Variants in TTC19 observed in about 807,000 individuals in gnomAD.
The protein encoded by TTC19 is tetratricopeptide repeat domain 19.
In TTC19, 38 loss-of-function variants were observed where a neutral mutation model predicts 49.5. The ratio of observed to expected loss-of-function variants is 0.77; its 90% CI spans 0.59 to 1.01. The LOEUF is 1.01. Among genes scored for constraint, TTC19 ranks in the 50% least tolerant of loss-of-function variants. The pLI is 0.00. For missense variants in TTC19, 475 were observed against 477.7 expected (o/e 0.99, Z 0.05); for synonymous variants, 204 against 185.2 (o/e 1.10, Z -0.83).
At chr17:16,039,392 T>TG (rs746139931) in intron 2 of TTC19, 1 of 1,587,074 alleles carries the variant, frequency 6.3e-7, no homozygotes, top group East Asian at 2.3e-5. Context: ...CTGGCTTTTT[T>TG]GGGGAAAAGC....
chr17:16,005,116 T>C (rs115517403), intron 6 of TTC19, among the ~76,000 whole-genome samples: 214 of 152,324 alleles, frequency 1.4e-3, no homozygotes, highest in African/African-American at 5.0e-3. Flanking sequence ...GACAAATTCA[T>C]AGTCTTCTAG....
chr17:16,015,852 CTTAT>C (rs1289049741), intron 7 of TTC19, among the ~76,000 whole-genome samples: 2 of 152,094 alleles, frequency 1.3e-5, no homozygotes, highest in African/African-American at 4.8e-5. Context: ...ATTTACTAAT[CTTAT>C]TTATTATATG....
At chr17:16,021,365 G>T (rs1159366685) in intron 7 of TTC19, among the ~76,000 whole-genome samples, 1 of 152,242 alleles carries the variant, frequency 6.6e-6, no homozygotes, top group East Asian at 1.9e-4. Flanking sequence ...TGCAGCCTGG[G>T]CGACAGAGTG....
chr17:15,999,955 CG>C lies in TTC19; in HGVS notation c.111del (p.Glu39ArgfsTer62), dbSNP rs1481670851. 7.6e-7 allele frequency: 1 copy of C among 1,321,486 alleles called. No individual in the cohort carries two copies. Among genetic ancestry groups the C allele is most frequent in the South Asian group, 2.1e-5 (1 of 47,710 alleles). 81.9% of individuals were successfully genotyped at this position (1,321,486 alleles called of 1,614,324 possible). A position where few individuals can be genotyped will look rare whatever the true frequency, so the allele number is the denominator to read the frequency against. ...ARLLPGLAGG[P>X]GPEVQVPPSR... ...CTGCTCCCGGGGCTGGCAGGAGGTCCGGGGCCCGAGGTGCAGGTGCCGCCAT... is the reference window on the plus strand; with the variant it reads ...CTGCTCCCGGGGCTGGCAGGAGGTCCGGGCCCGAGGTGCAGGTGCCGCCAT... On this transcript the variant is annotated frameshift_variant, in exon 1 of 10. Coordinates refer to ENST00000261647, the MANE Select transcript of TTC19 (RefSeq NM_017775.4). LOFTEE classifies it high-confidence loss of function.
downstream of TTC19, chr17:16,029,464 C>A: frequency 3.6e-6 from 1 of 274,858 alleles, no homozygotes; most frequent in Non-Finnish European, 7.2e-6. Context: ...CTCAGTGTAC[C>A]AAAATTAAAA....
rs143866104 is a variant in TTC19, at chr17:16,028,268, C to G, written c.*746C>G. On this transcript the variant is annotated 3_prime_UTR_variant, in exon 10 of 10. Coordinates refer to ENST00000261647, the MANE Select transcript of TTC19 (RefSeq NM_017775.4). ...TTCCTTTGCAGCCTTAGTCACACAA[C>G]TGAGTCATCTCAAGTACTCTTTAAG... The G allele has an allele frequency of 3.1e-4, 141 of 454,102 alleles. No homozygotes were observed. The highest frequency in any genetic ancestry group is 6.9e-4 in the Middle Eastern group (1 of 1,444). The allele number at this position is 454,102 out of a possible 1,614,324, so 28.1% of individuals were successfully genotyped here. A position where few individuals can be genotyped will look rare whatever the true frequency, so the allele number is the denominator to read the frequency against.
In TTC19 at chr17:16,000,140, C is replaced by G. The variant is rs1208030477; in HGVS notation, c.207C>G (p.Pro69=). 6.3e-7 allele frequency: 1 copy of G among 1,578,198 alleles called. No homozygotes were observed. Among genetic ancestry groups the G allele is most frequent in the African/African-American group, 1.3e-5 (1 of 74,444 alleles). ...CAGCGCTCGCCTGGTTCTCGAGGCC[C>G]GCTGCGGCAGAGGAGGAGGAGCAGC... is the stretch of plus-strand genomic sequence containing the variant. ...LLAALAWFSR[P]AAAEEEEQQG... is the part of the protein sequence containing the mutation. The change falls in exon 2 of 10, where the codon CCC becomes CCG. Residue 69 remains proline (P), a synonymous_variant. Coordinates refer to ENST00000261647, the MANE Select transcript of TTC19 (RefSeq NM_017775.4).
At chr17:16,019,841 A>C (rs1434225962) in intron 7 of TTC19, among the ~76,000 whole-genome samples, 1 of 152,096 alleles carries the variant, frequency 6.6e-6, no homozygotes, top group Non-Finnish European at 1.5e-5. Context: ...CAAATTGCTT[A>C]ACAGGCTGGG....
intron 2 of TTC19, chr17:16,041,084 A>C (rs1029846148): frequency 1.3e-5 from 2 of 152,576 alleles, no homozygotes; most frequent in South Asian, 2.1e-4. Context: ...GAAAGCCACC[A>C]CAGTGAATAC....
Position 16,027,751 on chromosome 17 carries a change from T to C in TTC19, c.*229T>C, listed in dbSNP as rs1374200253. On this transcript the variant is annotated 3_prime_UTR_variant, in exon 10 of 10. Transcript: ENST00000261647. ...GACCTTTCAGGATGTCGTCAAGTGA[T>C]GCTTTCAGTTGTAACACGTGACTTG... 7 of 596,738 alleles carry C rather than the reference T, an allele frequency of 1.2e-5. No homozygotes were observed. The highest frequency in any genetic ancestry group is 2.2e-5 in the Non-Finnish European group (7 of 318,900). The allele number at this position is 596,738 out of a possible 1,614,324, so 37.0% of individuals were successfully genotyped here.
chr17:16,040,236 TC>T, intron 2 of TTC19: 1 of 669,086 alleles, frequency 1.5e-6, no homozygotes, highest in Non-Finnish European at 2.7e-6. Flanking sequence ...TTCTTTTTGT[TC>T]ATTTATCTTT....
intron 7 of TTC19, among the ~76,000 whole-genome samples, chr17:16,010,003 G>A (rs1038569800): frequency 2.0e-5 from 3 of 151,802 alleles, no homozygotes; most frequent in African/African-American, 7.3e-5. Flanking sequence ...GTTTCTCTGA[G>A]TATTCTATAA....
chr17:16,019,201 C>T (rs986862096), intron 7 of TTC19, among the ~76,000 whole-genome samples: 1 of 152,110 alleles, frequency 6.6e-6, no homozygotes, highest in African/African-American at 2.4e-5. Flanking sequence ...AACATGGTGG[C>T]GGGCGCCTGT....
chr17:16,032,538 C>T, downstream of TTC19: 1 of 1,485,744 alleles, frequency 6.7e-7, no homozygotes, highest in South Asian at 1.4e-5. Context: ...GTATTTCATC[C>T]AATCCAACTT....
intron 5 of TTC19, 89 bp downstream of exon 5, chr17:16,003,976 G>C (rs1437001536): frequency 2.1e-6 from 3 of 1,420,746 alleles, no homozygotes; most frequent in Non-Finnish European, 3.0e-6. Flanking sequence ...CCCACCACAT[G>C]CTTTGGTCAG....
chr17:16,042,151 T>C lies in TTC19; in HGVS notation c.248-2352T>C, dbSNP rs116522911. On this transcript the variant is annotated intron_variant, in intron 2 of 2. Coordinates refer to the TTC19 transcript ENST00000470649. ...ACAAACTTGGTTGATTAGGGAGGCT[T>C]TAAACTGACAGAGGAGAAAAGTCCT... 5.8e-3 allele frequency among the ~76,000 whole-genome samples: 562 copies of C among 96,862 alleles called. 6 individuals are homozygous for C. The highest frequency in any genetic ancestry group is 0.026 in the African/African-American group (520 of 20,218). The allele number at this position is 96,862 out of a possible 152,430, so 63.5% of individuals were successfully genotyped here.
chr17:16,002,304 G>A (rs1014100796), intron 3 of TTC19, among the ~76,000 whole-genome samples: 5 of 152,002 alleles, frequency 3.3e-5, no homozygotes, highest in East Asian at 1.9e-4. Flanking sequence ...TCACCCTCCC[G>A]AGTAGCTGGA....
chr17:16,038,283 T>G (rs2056836516), intron 2 of TTC19, among the ~76,000 whole-genome samples: 1 of 152,220 alleles, frequency 6.6e-6, no homozygotes, highest in Non-Finnish European at 1.5e-5. Context: ...TTTTGTGTGC[T>G]TGTTTTTAAC....
Position 16,028,846 on chromosome 17 carries a change from A to AAAAAAAAAAAAAAAAT in TTC19, c.*1324_*1325insAAAAAAAAAAAAAAAT. 5.6e-6 allele frequency: 2 copies of AAAAAAAAAAAAAAAAT among 354,030 alleles called. No individual in the cohort carries two copies. Among genetic ancestry groups the AAAAAAAAAAAAAAAAT allele is most frequent in the Non-Finnish European group, 5.4e-6 (1 of 186,006 alleles). 21.9% of individuals were successfully genotyped at this position (354,030 alleles called of 1,614,324 possible). A position where few individuals can be genotyped will look rare whatever the true frequency, so the allele number is the denominator to read the frequency against. Reference sequence around the variant, plus strand: ...AAAAAAAAAAAAAAAAAAAAAAAAAACTTTCTGAAGAAAATAAAAACACCA... The same window carrying AAAAAAAAAAAAAAAAT: ...AAAAAAAAAAAAAAAAAAAAAAAAAAAAAAAAAAAAAAAAATCTTTCTGAAGAAAATAAAAACACCA... On this transcript the variant is annotated 3_prime_UTR_variant, in exon 10 of 10. Coordinates refer to ENST00000261647, the MANE Select transcript of TTC19 (RefSeq NM_017775.4).
Sources: allele counts gnomAD v4.1 joint callset (sites outside exome capture counted in the v4.1 genomes callset), GRCh38; gene constraint gnomAD v4.1.1; transcripts MANE v1.5; gene names NCBI Gene and HGNC (gene_info 2026-07-23, HGNC 2026-07-21).